Variants in TRPS1 observed in about 807,000 individuals in gnomAD.
TRPS1 encodes zinc finger transcription factor Trps1.
In TRPS1, 6 loss-of-function variants were observed where a neutral mutation model predicts 101.2. The observed-to-expected ratio is 0.06, with a 90% CI of 0.03 to 0.12. The LOEUF is 0.12. Among genes scored for constraint, TRPS1 ranks in the 10% least tolerant of loss-of-function variants. The pLI, the probability that TRPS1 is intolerant of heterozygous loss-of-function variation, is 1.00. For missense variants in TRPS1, 1,363 were observed against 1,567.0 expected (o/e 0.87, Z 2.20); for synonymous variants, 578 against 589.8 (o/e 0.98, Z 0.29).
At chr8:115,546,165 A>T (rs1046761958) in intron 5 of TRPS1, among the ~76,000 whole-genome samples, 1 of 151,858 alleles carries the variant, frequency 6.6e-6, no homozygotes, top group Non-Finnish European at 1.5e-5. Context: ...AACATGCAAC[A>T]AATTGAAATG....
At position 115,414,741 on chromosome 8, in the gene TRPS1, T is replaced by G; in HGVS notation, c.3167A>C (p.Gln1056Pro). The change falls in exon 7 of 7, where the codon CAG (glutamine) becomes CCG (proline). Residue 1056 changes from glutamine to proline, a missense_variant. Gln to Pro is a moderately conservative substitution (Grantham distance 76). Around this residue, in one of 5 missense-constraint regions of TRPS1, gnomAD observed 307 missense variants for 392.4 expected, o/e 0.78. Coordinates refer to ENST00000395715, the MANE Select transcript of TRPS1 (RefSeq NM_014112.5). The surrounding 1 kb of genome is among the most constrained non-coding windows in gnomAD (Gnocchi z 4.8). ...QPLHIQIKSPQESTGDPGNSS... is the reference protein window; with the variant it reads ...QPLHIQIKSPPESTGDPGNSS... The stretch of plus-strand genomic sequence containing the variant: ...ATTTCCTGGATCTCCAGTACTTTCC[T>G]GAGGACTTTTTATCTGAATGTGCAA... 1 of 1,614,120 alleles carries G rather than the reference T, an allele frequency of 6.2e-7. No individual in the cohort carries two copies. The highest frequency in any genetic ancestry group is 1.1e-5 in the South Asian group (1 of 91,084).
At chr8:115,529,737 C>T (rs1364745065) in intron 5 of TRPS1, among the ~76,000 whole-genome samples, 2 of 152,058 alleles carry the variant, frequency 1.3e-5, no homozygotes, top group Non-Finnish European at 2.9e-5. Flanking sequence ...TTTGTGCCAA[C>T]AATGCCCACT....
At chr8:115,533,436 G>GTTTTTTTTTTTTTGTTTTTTTTT (rs1816189208) in intron 5 of TRPS1, among the ~76,000 whole-genome samples, 10 of 34,984 alleles carry the variant, frequency 2.9e-4, no homozygotes, top group African/African-American at 1.0e-3. Flanking sequence ...CATGTAATCT[G>GTTTTTTTTTTTTTGTTTTTTTTT]TTTTTTTTTT....
chr8:115,641,347 T>C (rs1413276201), intron 1 of TRPS1, among the ~76,000 whole-genome samples: 3 of 152,196 alleles, frequency 2.0e-5, no homozygotes, highest in Admixed American at 2.0e-4. Flanking sequence ...TGTGACATCA[T>C]TTAAATTTTG....
At chr8:115,442,246 C>T (rs1322014080) in intron 5 of TRPS1, among the ~76,000 whole-genome samples, 3 of 152,080 alleles carry the variant, frequency 2.0e-5, no homozygotes, top group South Asian at 4.1e-4. Context: ...TAGAAACAGC[C>T]AACTTCTCTA....
chr8:115,490,654 A>G (rs1439114444), intron 5 of TRPS1, among the ~76,000 whole-genome samples: 1 of 152,052 alleles, frequency 6.6e-6, no homozygotes, highest in Non-Finnish European at 1.5e-5. Flanking sequence ...TGTTATTGTT[A>G]TTGCTAACAT....
At position 115,604,374 on chromosome 8, in the gene TRPS1, A is replaced by T. The variant is rs761796789; in HGVS notation, c.1595T>A (p.Met532Lys). 2 of 1,614,022 alleles carry T rather than the reference A, an allele frequency of 1.2e-6. No individual in the cohort carries two copies. Among genetic ancestry groups the T allele is most frequent in the South Asian group, 2.2e-5 (2 of 91,066 alleles). The change falls in exon 4 of 7, where the codon ATG becomes AAG. Residue 532 changes from methionine (M) to lysine (K), a missense_variant. Met to Lys is a moderately conservative substitution (Grantham distance 95). This residue lies in a region of TRPS1 where 1,020 missense variants were observed against 1,073.0 expected (regional missense o/e 0.95). Transcript: ENST00000395715. This position sits in a 1 kb window ranked among gnomAD's most constrained non-coding sequence, Gnocchi z 4.1. ...GAACTGACAATTATAGCTCGTTACC[A>T]TATTATCCTCGGCTCCCTTGCTGGA... ...DFSSKGAEDN[M>K]VTSYNCQFCD...
At chr8:115,580,248 A>AG (rs1817413364) in intron 5 of TRPS1, among the ~76,000 whole-genome samples, 1 of 130,728 alleles carries the variant, frequency 7.6e-6, no homozygotes, top group Non-Finnish European at 1.6e-5. Context: ...AAAAAAAAAT[A>AG]TATATATATA....
At chr8:115,595,925 T>A (rs1035454456) in intron 4 of TRPS1, among the ~76,000 whole-genome samples, 1 of 151,852 alleles carries the variant, frequency 6.6e-6, no homozygotes, top group African/African-American at 2.4e-5. Flanking sequence ...TTTTGTCTCA[T>A]AGTGGGTATT....
chr8:115,507,911 T>G (rs760629978), intron 5 of TRPS1, among the ~76,000 whole-genome samples: 1 of 152,068 alleles, frequency 6.6e-6, no homozygotes, highest in Non-Finnish European at 1.5e-5. Context: ...ATTGCATGAT[T>G]GGTGTGCAGA....
At chr8:115,606,221 T>C (rs1378557737) in intron 3 of TRPS1, among the ~76,000 whole-genome samples, 2 of 152,172 alleles carry the variant, frequency 1.3e-5, no homozygotes, top group Non-Finnish European at 1.5e-5. Flanking sequence ...ATTGCTGTAG[T>C]ACACTGAGAG....
intron 5 of TRPS1, among the ~76,000 whole-genome samples, chr8:115,473,515 A>T (rs1479061968): frequency 6.6e-6 from 1 of 152,188 alleles, no homozygotes; most frequent in African/African-American, 2.4e-5. Flanking sequence ...TCAGGCATGC[A>T]CTACACATCA....
chr8:115,472,192 C>T (rs2130020261), intron 5 of TRPS1, among the ~76,000 whole-genome samples: 1 of 152,316 alleles, frequency 6.6e-6, no homozygotes. Flanking sequence ...AAAACATGTG[C>T]CTGAACATCC....
At chr8:115,643,716 T>C (rs748298995) in intron 1 of TRPS1, among the ~76,000 whole-genome samples, 9 of 152,216 alleles carry the variant, frequency 5.9e-5, no homozygotes, top group Non-Finnish European at 8.8e-5. Flanking sequence ...CCATGAATCA[T>C]GAATGTTCTT....
rs1439247161 is a variant in TRPS1, at chr8:115,495,585, A to AT, written c.2701-77134dup. 9.2e-5 allele frequency among the ~76,000 whole-genome samples: 14 copies of AT among 151,872 alleles called. 1 individual carries two copies. The South Asian group carries it at 2.5e-3, about 27-fold the overall frequency. ...AGAATTTGACATTGGAATGTTTTCC[A>AT]TTTGAAGACTGAAAACTACTTATTT... On this transcript the variant is annotated intron_variant, in intron 5 of 6. Transcript: ENST00000395715.
intron 5 of TRPS1, among the ~76,000 whole-genome samples, chr8:115,489,971 C>A (rs1013258868): frequency 9.9e-5 from 15 of 152,048 alleles, no homozygotes; most frequent in Middle Eastern, 3.4e-3. Context: ...AGTTACTGAT[C>A]CTCAATGTCT....
At chr8:115,577,188 ACT>A (rs1400505007) in intron 5 of TRPS1, among the ~76,000 whole-genome samples, 3 of 152,112 alleles carry the variant, frequency 2.0e-5, no homozygotes, top group Non-Finnish European at 4.4e-5. Flanking sequence ...CAAAAGTCCC[ACT>A]CTGAGTCTTT....
intron 5 of TRPS1, among the ~76,000 whole-genome samples, chr8:115,437,289 T>C (rs1030963496): frequency 1.3e-5 from 2 of 152,172 alleles, no homozygotes; most frequent in African/African-American, 4.8e-5. Context: ...AAAGCAGGGA[T>C]ACCCCCATGA....
intron 5 of TRPS1, among the ~76,000 whole-genome samples, chr8:115,550,341 C>T (rs923692526): frequency 6.6e-6 from 1 of 152,180 alleles, no homozygotes; most frequent in African/African-American, 2.4e-5. Context: ...CATTCCAGCT[C>T]TTAAGTCAGA....
Sources: allele counts gnomAD v4.1 joint callset (sites outside exome capture counted in the v4.1 genomes callset), GRCh38; gene constraint gnomAD v4.1.1; regional missense constraint gnomAD v4.1.1; non-coding constraint Gnocchi (gnomAD v3.1); transcripts MANE v1.5; gene names NCBI Gene and HGNC (gene_info 2026-07-23, HGNC 2026-07-21).